NUP160: variants seen among roughly 807,000 people sequenced by gnomAD.
NUP160 encodes nuclear pore complex protein Nup160.
Under a neutral mutation model 196.9 loss-of-function variants are expected in NUP160, and 94 were observed. The ratio of observed to expected loss-of-function variants is 0.48; its 90% CI spans 0.40 to 0.57. The LOEUF (loss-of-function observed/expected upper bound fraction) is 0.57. NUP160 is among the 20% of genes least tolerant of loss of function. NUP160 has a pLI of 0.00. For synonymous variants in NUP160, 605 were observed against 619.7 expected, an observed-to-expected ratio of 0.98 and a Z score of 0.35; for missense variants, 1,638 against 1,748.3, an observed-to-expected ratio of 0.94 and a Z score of 1.13.
chr11:47,815,523 G>A lies in NUP160; in HGVS notation c.1642C>T (p.Leu548=), dbSNP rs544109538. ...ATGTTTGTGTGTGGATTCAAATGTA[G>A]GGCAAGAGGGTGAGAGAGGGCTTCT... Residue 548 remains leucine (L), a synonymous_variant, in exon 13 of 36, where the codon CTA becomes TTA. Transcript: ENST00000378460. 5.6e-6 allele frequency: 9 copies of A among 1,610,616 alleles called. 1 individual carries two copies. The highest frequency in any genetic ancestry group is 4.2e-6 in the Non-Finnish European group (5 of 1,179,064).
chr11:47,798,459 A>G, exon 24 of NUP160: 1 of 1,553,148 alleles, frequency 6.4e-7, no homozygotes, highest in Non-Finnish European at 8.9e-7. Context: ...TAGTAGTCGT[A>G]AAACCTAACG....
intron 27 of NUP160, among the ~76,000 whole-genome samples, chr11:47,796,952 T>G (rs2097671211): frequency 6.6e-6 from 1 of 151,976 alleles, no homozygotes; most frequent in Non-Finnish European, 1.5e-5. Context: ...CTCAGCCTCC[T>G]CAAGTACTGG....
rs201500360 is a variant in NUP160 at position 47,839,954 on chromosome 11, T to C, written c.637A>G (p.Asn213Asp). Residue 213 changes from asparagine (N) to aspartate (D), a missense_variant, in exon 4 of 36, where the codon AAT (asparagine) becomes GAT (aspartate). Physicochemically the swap from Asn to Asp is conservative, Grantham distance 23 (BLOSUM62 1). Around this residue, in one of 3 missense-constraint regions of NUP160, gnomAD observed 1,345 missense variants for 1,470.2 expected, o/e 0.91. Coordinates refer to ENST00000378460, the Ensembl canonical transcript of NUP160. ...AGCCAGGCTGTAGAGGCGGTGGAAT[T>C]AGGAGATATTCCAGGTACTGCTGGA... 54 of 1,613,970 alleles carry C rather than the reference T, an allele frequency of 3.3e-5. 1 individual carries two copies. Among genetic ancestry groups the C allele is most frequent in the Middle Eastern group, 3.3e-4 (2 of 6,062 alleles).
At position 47,813,298 on chromosome 11, in the gene NUP160, C is replaced by G; in HGVS notation, c.1786+18G>C. 4 of 1,493,930 alleles carry G rather than the reference C, an allele frequency of 2.7e-6. No homozygotes were observed. The highest frequency in any genetic ancestry group is 3.7e-6 in the Non-Finnish European group (4 of 1,071,368). 92.5% of individuals were successfully genotyped at this position (1,493,930 alleles called of 1,614,324 possible). A position where few individuals can be genotyped will look rare whatever the true frequency, so the allele number is the denominator to read the frequency against. ...ATATAGGAAGGGGATTAAATATGGA[C>G]ATAACAATTACTATTACCATCAGAT... On this transcript the variant is annotated intron_variant, in intron 14 of 35. Coordinates refer to ENST00000378460, the Ensembl canonical transcript of NUP160.
At chr11:47,842,461 G>A (rs80276211) in intron 2 of NUP160, among the ~76,000 whole-genome samples, 1,854 of 152,248 alleles carry the variant, frequency 0.012, 21 homozygotes, top group Non-Finnish European at 0.021. Context: ...TGAGGACAGT[G>A]ACCCCAGAGT....
intron 7 of NUP160, among the ~76,000 whole-genome samples, chr11:47,831,994 C>T (rs1055128222): frequency 7.0e-6 from 1 of 142,122 alleles, no homozygotes; most frequent in Non-Finnish European, 1.5e-5. Context: ...CTCCGCCTCC[C>T]AGGTTCAAAC....
At chr11:47,811,187 A>G (rs1292419823) in intron 17 of NUP160, among the ~76,000 whole-genome samples, 1 of 152,074 alleles carries the variant, frequency 6.6e-6, no homozygotes, top group Admixed American at 6.6e-5. Flanking sequence ...GCATCTCAAA[A>G]CTGTGTTTAG....
At chr11:47,808,617 T>C in intron 17 of NUP160, 88 bp from the exon 18 acceptor site, 1 of 1,104,676 alleles carries the variant, frequency 9.1e-7, no homozygotes, top group Non-Finnish European at 1.3e-6. Context: ...TAAAATAAAA[T>C]AACAAATACA....
At chr11:47,816,600 C>T (rs1320711436) in intron 11 of NUP160, among the ~76,000 whole-genome samples, 1 of 151,940 alleles carries the variant, frequency 6.6e-6, no homozygotes. Flanking sequence ...TATGGCAAAA[C>T]CTTGTCTCTA....
At chr11:47,817,175 G>T (rs932196438) in intron 11 of NUP160, among the ~76,000 whole-genome samples, 1 of 150,266 alleles carries the variant, frequency 6.7e-6, no homozygotes, top group African/African-American at 2.5e-5. Flanking sequence ...TTAGAGATGG[G>T]GTCTCCCTCT....
chr11:47,781,572 G>A (rs1170530446), intron 34 of NUP160, among the ~76,000 whole-genome samples: 1 of 152,140 alleles, frequency 6.6e-6, no homozygotes, highest in East Asian at 1.9e-4. Flanking sequence ...CTGATTTCAT[G>A]AGGGTTGAAG....
intron 22 of NUP160, among the ~76,000 whole-genome samples, chr11:47,802,752 A>T (rs1377370695): frequency 6.6e-6 from 1 of 152,156 alleles, no homozygotes; most frequent in African/African-American, 2.4e-5. Context: ...AGGTGGGCAG[A>T]TCACTTGAGC....
chr11:47,806,410 T>C (rs1016381143), intron 19 of NUP160, 98 bp from the exon 20 acceptor site: 3 of 941,464 alleles, frequency 3.2e-6, no homozygotes, highest in Non-Finnish European at 4.8e-6. Flanking sequence ...AACAAACAAT[T>C]TAGCACTTCA....
intron 2 of NUP160, among the ~76,000 whole-genome samples, chr11:47,841,114 C>T (rs2135403710): frequency 6.6e-6 from 1 of 152,248 alleles, no homozygotes; most frequent in East Asian, 1.9e-4. Context: ...AATACCTTCG[C>T]AAATTGAACA....
exon 25 of NUP160, chr11:47,798,217 G>A: frequency 6.2e-7 from 1 of 1,612,486 alleles, no homozygotes; most frequent in Non-Finnish European, 8.5e-7. Flanking sequence ...TGGCTATTGT[G>A]ACCCAAATCC....
In NUP160 at chr11:47,801,111, G is replaced by C. The variant is rs562272880; in HGVS notation, c.2895+700C>G. Among the ~76,000 whole-genome samples, 5 of 152,310 alleles carry C rather than the reference G, an allele frequency of 3.3e-5. 1 individual carries two copies. The South Asian group carries it at 1.0e-3, about 32-fold the overall frequency. On this transcript the variant is annotated intron_variant, in intron 23 of 35. Transcript: ENST00000378460. The stretch of plus-strand genomic sequence containing the variant: ...GAAAGAGGGGCAGGAAACAGGTCAA[G>C]AGGACCCTCAAGTCCAAATTATAAA...
At chr11:47,790,632 T>TA (rs749614798) in intron 29 of NUP160, among the ~76,000 whole-genome samples, 2 of 152,156 alleles carry the variant, frequency 1.3e-5, no homozygotes, top group Non-Finnish European at 2.9e-5. Flanking sequence ...CTCATCCCTG[T>TA]AGTCCCAGCA....
chr11:47,781,293 C>T (rs1413785182), intron 34 of NUP160, among the ~76,000 whole-genome samples: 4 of 151,346 alleles, frequency 2.6e-5, no homozygotes, highest in African/African-American at 9.7e-5. Context: ...GACAGGGTCT[C>T]ACTCTGTCAC....
At chr11:47,796,152 TAAAAAAAAAA>T in intron 27 of NUP160, 1 of 118,174 alleles carries the variant, frequency 8.5e-6, no homozygotes, top group Non-Finnish European at 1.5e-5. Context: ...AGACTTCATC[TAAAAAAAAAA>T]AAAAAAAAAA....
Sources: gnomAD v4.1 joint callset for allele counts (sites outside exome capture counted in the v4.1 genomes callset) on GRCh38, gnomAD v4.1.1 for gene constraint, gnomAD v4.1.1 regional missense constraint, MANE v1.5 for transcripts, NCBI Gene and HGNC (gene_info 2026-07-23, HGNC 2026-07-21) for gene names.